DRC8: variants seen among roughly 807,000 people sequenced by gnomAD.
DRC8 encodes the protein dynein regulatory complex subunit 8, also known as dynein regulatory complex protein 8.
the DRC8 span, among the ~76,000 whole-genome samples, chr1:245,019,092 A>G: frequency 5.1e-4 from 77 of 152,336 alleles, no homozygotes; most frequent in Non-Finnish European, 9.3e-4. Context: ...CAATTCAGTA[A>G]AAGAAAACGT....
chr1:245,111,721 C>G, the DRC8 span, among the ~76,000 whole-genome samples: 2 of 152,228 alleles, frequency 1.3e-5, no homozygotes, highest in African/African-American at 2.4e-5. Context: ...TTTAGAAAAC[C>G]CTGCTGTCCT....
chr1:245,114,943 C>G, the DRC8 span, among the ~76,000 whole-genome samples: 2 of 152,306 alleles, frequency 1.3e-5, no homozygotes, highest in South Asian at 4.1e-4. Flanking sequence ...TCAGGATGGT[C>G]TCGATCTCGT....
At chr1:245,021,983 A>G in the DRC8 span, among the ~76,000 whole-genome samples, 9 of 151,932 alleles carry the variant, frequency 5.9e-5, no homozygotes, top group South Asian at 1.2e-3. Context: ...CTTTTTACTT[A>G]TTTCCGTATG....
the DRC8 span, among the ~76,000 whole-genome samples, chr1:244,977,280 A>T: frequency 6.6e-6 from 1 of 152,226 alleles, no homozygotes; most frequent in South Asian, 2.1e-4. Flanking sequence ...AGTAAGTTTT[A>T]CATTATGTGT....
the DRC8 span, among the ~76,000 whole-genome samples, chr1:245,108,822 C>T: frequency 6.6e-6 from 1 of 152,142 alleles, no homozygotes; most frequent in Non-Finnish European, 1.5e-5. Flanking sequence ...CCTTCCTTGA[C>T]AGTTGCCATA....
chr1:245,076,648 A>ATTGAGT, the DRC8 span, among the ~76,000 whole-genome samples: 6 of 152,162 alleles, frequency 3.9e-5, no homozygotes, highest in Non-Finnish European at 8.8e-5. Flanking sequence ...TTTCAGTATA[A>ATTGAGT]TTGAGTTTTC....
the DRC8 span, among the ~76,000 whole-genome samples, chr1:245,041,935 C>T: frequency 5.9e-5 from 9 of 152,204 alleles, no homozygotes; most frequent in East Asian, 1.9e-4. Context: ...CCTCCGGAAC[C>T]GAGAAAATCA....
At chr1:245,005,841 A>G in the DRC8 span, among the ~76,000 whole-genome samples, 1 of 152,224 alleles carries the variant, frequency 6.6e-6, no homozygotes, top group African/African-American at 2.4e-5. Context: ...TCAAAAGGTC[A>G]GTTACTCTTA....
chr1:244,970,680 C>CCTCTCTCCCCCGCCCCGCCCCGT, the DRC8 span: 1 of 494,972 alleles, frequency 2.0e-6, no homozygotes, highest in Non-Finnish European at 3.5e-6. Context: ...CCCCGCCCCG[C>CCTCTCTCCCCCGCCCCGCCCCGT]CTCTCTCCCC....
At chr1:245,121,230 G>A in the DRC8 span, among the ~76,000 whole-genome samples, 1 of 152,292 alleles carries the variant, frequency 6.6e-6, no homozygotes, top group East Asian at 1.9e-4. Flanking sequence ...TGCAGTCTTT[G>A]TATTTTACAA....
chr1:244,984,057 C>A, the DRC8 span, among the ~76,000 whole-genome samples: 1 of 151,936 alleles, frequency 6.6e-6, no homozygotes. Context: ...TGTGCTCAAG[C>A]GGTCCTCCCA....
chr1:245,063,130 C>G, the DRC8 span, among the ~76,000 whole-genome samples: 1 of 152,102 alleles, frequency 6.6e-6, no homozygotes, highest in Non-Finnish European at 1.5e-5. Context: ...CATTAGATGC[C>G]CATTCTGCCC....
At chr1:244,991,081 TACTC>T in the DRC8 span, among the ~76,000 whole-genome samples, 1 of 152,212 alleles carries the variant, frequency 6.6e-6, no homozygotes, top group African/African-American at 2.4e-5. Context: ...ATCCTTAAGT[TACTC>T]ACACTTCAGT....
the DRC8 span, among the ~76,000 whole-genome samples, chr1:245,003,422 GC>G: frequency 6.6e-6 from 1 of 152,102 alleles, no homozygotes; most frequent in Non-Finnish European, 1.5e-5. Flanking sequence ...GGAGACTTGG[GC>G]ACAGAGAGGT....
the DRC8 span, among the ~76,000 whole-genome samples, chr1:245,060,323 A>G: frequency 6.6e-6 from 1 of 152,222 alleles, no homozygotes; most frequent in Non-Finnish European, 1.5e-5. Flanking sequence ...TCAAAGATAA[A>G]TGAAAGAAGG....
the DRC8 span, among the ~76,000 whole-genome samples, chr1:245,105,998 G>A: frequency 6.6e-6 from 1 of 152,198 alleles, no homozygotes; most frequent in Non-Finnish European, 1.5e-5. Flanking sequence ...AGGATCACTT[G>A]AGCCCAGGAG....
chr1:244,974,230 G>A, the DRC8 span, among the ~76,000 whole-genome samples: 1 of 152,036 alleles, frequency 6.6e-6, no homozygotes, highest in African/African-American at 2.4e-5. Context: ...AAATCTTATT[G>A]TTTCTGTCTC....
At chr1:245,104,495 C>G in the DRC8 span, among the ~76,000 whole-genome samples, 1 of 146,372 alleles carries the variant, frequency 6.8e-6, no homozygotes, top group African/African-American at 2.6e-5. Flanking sequence ...CAGATCGAGA[C>G]TCTGTCATAA....
chr1:245,068,473 A>G, the DRC8 span, among the ~76,000 whole-genome samples: 25 of 151,860 alleles, frequency 1.6e-4, no homozygotes, highest in Non-Finnish European at 2.6e-4. Flanking sequence ...ACTGGGTCTC[A>G]CTCTGTTACC....
Sources: allele counts gnomAD v4.1 joint callset (sites outside exome capture counted in the v4.1 genomes callset), GRCh38; gene constraint gnomAD v4.1.1; transcripts MANE v1.5; gene names NCBI Gene and HGNC (gene_info 2026-07-23, HGNC 2026-07-21).